Variants in TRAPPC9 observed in about 807,000 individuals in gnomAD.
TRAPPC9 encodes trafficking protein particle complex subunit 9.
A neutral mutation model predicts 124.0 loss-of-function variants in TRAPPC9; 83 were observed. The observed-to-expected ratio is 0.67, with a 90% CI of 0.56 to 0.80. The LOEUF (loss-of-function observed/expected upper bound fraction) is 0.80, where lower values mean the gene tolerates loss of function less well. Among genes scored for constraint, TRAPPC9 ranks in the 30% least tolerant of loss-of-function variants. TRAPPC9 has a pLI of 0.00. For missense variants in TRAPPC9, 1,302 were observed against 1,508.3 expected (o/e 0.86, Z 2.27); for synonymous variants, 638 against 617.5 (o/e 1.03, Z -0.49).
chr8:139,733,573 C>T (rs1247622031), intron 21 of TRAPPC9, among the ~76,000 whole-genome samples: 2 of 152,190 alleles, frequency 1.3e-5, no homozygotes, highest in Non-Finnish European at 2.9e-5. Flanking sequence ...CTGCGTGGCC[C>T]TGGGAGCCAG....
chr8:139,752,245 TCCAC>T (rs1444788181), intron 21 of TRAPPC9, among the ~76,000 whole-genome samples: 2 of 148,174 alleles, frequency 1.3e-5, no homozygotes, highest in Non-Finnish European at 1.5e-5. Context: ...CATCCATCCA[TCCAC>T]CCATCTACCA....
chr8:140,059,178 A>C (rs1842446721), intron 17 of TRAPPC9, among the ~76,000 whole-genome samples: 1 of 152,260 alleles, frequency 6.6e-6, no homozygotes, highest in East Asian at 1.9e-4. Context: ...CTTTCTCTCT[A>C]GATCTATCTA....
intron 19 of TRAPPC9, among the ~76,000 whole-genome samples, chr8:139,938,504 C>T (rs1833689093): frequency 6.6e-6 from 1 of 152,102 alleles, no homozygotes; most frequent in Non-Finnish European, 1.5e-5. Flanking sequence ...CCAGGATGGT[C>T]TCGATCTCCT....
rs1327520214 is a variant in TRAPPC9 at position 140,416,350 on chromosome 8, TA to T, written c.886+10264del. On this transcript the variant is annotated intron_variant, in intron 5 of 22. Transcript: ENST00000438773. ...CCAACTCAAGAAGATCTAGAAAATC[TA>T]AATAGACCCATAACAAGTAAAGTGA... 3.3e-5 allele frequency among the ~76,000 whole-genome samples: 5 copies of T among 152,220 alleles called. No homozygotes were observed. In the South Asian group the frequency reaches 1.0e-3, roughly 32 times the overall value.
intron 19 of TRAPPC9, among the ~76,000 whole-genome samples, chr8:139,937,505 C>T (rs1833608493): frequency 6.6e-6 from 1 of 152,126 alleles, no homozygotes; most frequent in Admixed American, 6.5e-5. Flanking sequence ...CTGGGGGCAG[C>T]GGCTTCAGGA....
chr8:140,244,257 A>G (rs2063926910), intron 16 of TRAPPC9, among the ~76,000 whole-genome samples: 1 of 152,182 alleles, frequency 6.6e-6, no homozygotes, highest in Admixed American at 6.5e-5. Context: ...GCCTTAGACA[A>G]ATCATTCCAC....
intron 17 of TRAPPC9, among the ~76,000 whole-genome samples, chr8:140,075,455 CCCT>C (rs1467866512): frequency 1.3e-5 from 2 of 152,164 alleles, no homozygotes; most frequent in African/African-American, 2.4e-5. Flanking sequence ...GTCCCCACAT[CCCT>C]CTCCTCCTCC....
At chr8:140,288,272 G>A (rs2065547426) in intron 12 of TRAPPC9, among the ~76,000 whole-genome samples, 1 of 152,208 alleles carries the variant, frequency 6.6e-6, no homozygotes, top group Non-Finnish European at 1.5e-5. Flanking sequence ...GAGCCCAGGA[G>A]GCTGAGGCTG....
At chr8:139,932,432 G>A (rs1397692740) in intron 19 of TRAPPC9, 1 of 457,854 alleles carries the variant, frequency 2.2e-6, no homozygotes, top group East Asian at 6.9e-5. Flanking sequence ...CCCGTCATAA[G>A]TACAAGATGT....
At chr8:140,382,541 G>A (rs1470856259) in intron 7 of TRAPPC9, among the ~76,000 whole-genome samples, 3 of 152,192 alleles carry the variant, frequency 2.0e-5, no homozygotes, top group Non-Finnish European at 2.9e-5. Flanking sequence ...AGGGTCCCAC[G>A]CCCACGGAGC....
At position 140,435,327 on chromosome 8, in the gene TRAPPC9, C is replaced by T. The variant is rs2070777763; in HGVS notation, c.731-87G>A. 2.0e-6 allele frequency: 3 copies of T among 1,514,014 alleles called. No individual in the cohort carries two copies. In the South Asian group the frequency reaches 3.5e-5, roughly 18 times the overall value. The allele number at this position is 1,514,014 out of a possible 1,614,324, so 93.8% of individuals were successfully genotyped here. A position where few individuals can be genotyped will look rare whatever the true frequency, so the allele number is the denominator to read the frequency against. On this transcript the variant is annotated intron_variant, in intron 3 of 22. Transcript: ENST00000438773. ...AGTCAAGTCAGTGACCCTTCATTAG[C>T]TCAAACTGCAGTAACTAACAATGAT...
intron 8 of TRAPPC9, 94 bp from the exon 9 acceptor site, chr8:140,360,287 A>G: frequency 6.6e-7 from 1 of 1,512,730 alleles, no homozygotes; most frequent in Non-Finnish European, 9.1e-7. Flanking sequence ...ATTTGAAGAC[A>G]GATGCCTCAA....
intron 18 of TRAPPC9, among the ~76,000 whole-genome samples, chr8:140,022,999 G>A (rs1447349278): frequency 6.6e-6 from 1 of 152,174 alleles, no homozygotes; most frequent in African/African-American, 2.4e-5. Context: ...GCTGTCTCAC[G>A]CTGCAGCACA....
chr8:140,006,911 C>T (rs899859224), intron 18 of TRAPPC9, among the ~76,000 whole-genome samples: 6 of 152,102 alleles, frequency 3.9e-5, no homozygotes, highest in South Asian at 2.1e-4. Flanking sequence ...ATTGTTGTGA[C>T]GGCTAAACAA....
At chr8:140,058,167 G>A (rs971280748) in intron 17 of TRAPPC9, among the ~76,000 whole-genome samples, 20 of 152,146 alleles carry the variant, frequency 1.3e-4, no homozygotes, top group African/African-American at 3.4e-4. Context: ...AAATCAGTCA[G>A]CAATGGTGGA....
intron 19 of TRAPPC9, among the ~76,000 whole-genome samples, chr8:139,924,131 G>T (rs1383281666): frequency 6.6e-6 from 1 of 152,174 alleles, no homozygotes; most frequent in African/African-American, 2.4e-5. Context: ...CAGAAACCCA[G>T]ACTTTCATCC....
intron 17 of TRAPPC9, among the ~76,000 whole-genome samples, chr8:140,193,361 C>T (rs2062541194): frequency 6.6e-6 from 1 of 152,128 alleles, no homozygotes; most frequent in South Asian, 2.1e-4. Flanking sequence ...ACACGAATTT[C>T]ACCCAAACTG....
chr8:140,449,385 G>A (rs1420878153), intron 2 of TRAPPC9, among the ~76,000 whole-genome samples: 2 of 152,194 alleles, frequency 1.3e-5, no homozygotes, highest in Non-Finnish European at 2.9e-5. Context: ...AAATGGGGAC[G>A]CCCTCTTGGC....
At chr8:139,863,297 G>T (rs1326690593) in intron 21 of TRAPPC9, among the ~76,000 whole-genome samples, 3 of 152,208 alleles carry the variant, frequency 2.0e-5, no homozygotes, top group African/African-American at 7.2e-5. Flanking sequence ...GGAAGCCCAG[G>T]ACTTGCAGAG....
Sources: allele counts gnomAD v4.1 joint callset (sites outside exome capture counted in the v4.1 genomes callset), GRCh38; gene constraint gnomAD v4.1.1; transcripts MANE v1.5; gene names NCBI Gene and HGNC (gene_info 2026-07-23, HGNC 2026-07-21).